GRM4: variants seen among roughly 807,000 people sequenced by gnomAD.
The protein encoded by GRM4 is metabotropic glutamate receptor 4.
Under a neutral mutation model 81.7 loss-of-function variants are expected in GRM4, and 28 were observed. That is an observed-to-expected ratio of 0.34 (90% CI 0.25 to 0.47). GRM4 has a LOEUF of 0.47. GRM4 is among the 20% of genes least tolerant of loss of function. The pLI, the probability that GRM4 is intolerant of heterozygous loss-of-function variation, is 1.00. For synonymous variants in GRM4, 488 were observed against 528.8 expected, an observed-to-expected ratio of 0.92 and a Z score of 1.06; for missense variants, 948 against 1,290.0, an observed-to-expected ratio of 0.73 and a Z score of 4.06.
At chr6:34,124,037 CAAGGG>C (rs1286014812) in intron 2 of GRM4, among the ~76,000 whole-genome samples, 2 of 152,220 alleles carry the variant, frequency 1.3e-5, no homozygotes, top group Non-Finnish European at 2.9e-5. Flanking sequence ...CGTGGCTTCA[CAAGGG>C]CTGCTCAGGG....
At chr6:34,076,920 G>C (rs184872403) in intron 3 of GRM4, among the ~76,000 whole-genome samples, 1 of 152,260 alleles carries the variant, frequency 6.6e-6, no homozygotes, top group Admixed American at 6.5e-5. Flanking sequence ...GGGAGGGAAA[G>C]GGGATTCCAG....
rs1197862589 is a variant in GRM4, at chr6:34,069,200, ACACACG to A, written c.737-7178_737-7173del. 2.7e-3 allele frequency among the ~76,000 whole-genome samples: 384 copies of A among 143,914 alleles called. 3 individuals are homozygous for A. The highest frequency in any genetic ancestry group is 6.9e-3 in the African/African-American group (246 of 35,572). The allele number at this position is 143,914 out of a possible 152,430, so 94.4% of individuals were successfully genotyped here. A position where few individuals can be genotyped will look rare whatever the true frequency, so the allele number is the denominator to read the frequency against. On this transcript the variant is annotated intron_variant, in intron 3 of 10. Coordinates refer to ENST00000538487, the MANE Select transcript of GRM4 (RefSeq NM_000841.4). This position sits in a 1 kb window ranked among gnomAD's most constrained non-coding sequence, Gnocchi z 6.4. ...CACACACACACACACACACACACAC[ACACACG>A]CACGCACACACGGCTCCTTCCTTCT...
rs78819468 is a variant in GRM4 at position 34,027,691 on chromosome 6, C to T, written c.2689+429G>A. Among the ~76,000 whole-genome samples, 199 of 152,308 alleles carry T rather than the reference C, an allele frequency of 1.3e-3. 1 individual carries two copies. The highest frequency in any genetic ancestry group is 4.3e-3 in the African/African-American group (179 of 41,572). On this transcript the variant is annotated intron_variant, in intron 10 of 10. Coordinates refer to ENST00000538487, the MANE Select transcript of GRM4 (RefSeq NM_000841.4). The stretch of plus-strand genomic sequence containing the variant: ...GGGCCAGTGTGCAGGGCCCCGGGGA[C>T]GATTCCTTCTCCCAGAGGGGCTGAA...
Position 34,080,871 on chromosome 6 carries a change from T to TACAC in GRM4, c.736+11008_736+11011dup, listed in dbSNP as rs3041182. The stretch of plus-strand genomic sequence containing the variant: ...ATACACACACACATACACATACATA[T>TACAC]ACACACACACACACACACAACCCTT... On this transcript the variant is annotated intron_variant, in intron 3 of 10. Transcript: ENST00000538487. This position sits in a 1 kb window ranked among gnomAD's most constrained non-coding sequence, Gnocchi z 5.4. Among the ~76,000 whole-genome samples, 9,360 of 123,112 alleles carry TACAC rather than the reference T, an allele frequency of 0.076. 333 individuals carry two copies. The highest frequency in any genetic ancestry group is 0.13 in the African/African-American group (3,560 of 26,936). 80.8% of individuals were successfully genotyped at this position (123,112 alleles called of 152,430 possible).
At chr6:34,043,528 T>G (rs536295034) in intron 6 of GRM4, among the ~76,000 whole-genome samples, 1 of 152,256 alleles carries the variant, frequency 6.6e-6, no homozygotes, top group South Asian at 2.1e-4. Context: ...GACTAAATTA[T>G]TAACCAGGGA....
intron 9 of GRM4, among the ~76,000 whole-genome samples, chr6:34,030,177 G>A (rs1459531749): frequency 6.6e-6 from 1 of 152,244 alleles, no homozygotes; most frequent in Non-Finnish European, 1.5e-5. Context: ...GGGGAATATC[G>A]TAGAGTCTCG....
intron 3 of GRM4, 166 bp from the exon 4 acceptor site, chr6:34,062,194 A>G: frequency 1.6e-6 from 1 of 625,808 alleles, no homozygotes; most frequent in Non-Finnish European, 2.6e-6. Flanking sequence ...TGCAGTCAGG[A>G]CAGCTTCAGT....
Position 34,035,683 on chromosome 6 carries a change from C to A in GRM4, c.2427G>T (p.Ser809=). ...CACCACTCACCTTGTCGGCCGACTG[C>A]GAGGTGCCAAAGAAGATGGGGATGA... is the stretch of plus-strand genomic sequence containing the variant. ...LAFIPIFFGT[S]QSADKLYIQT... Residue 809 remains serine, a synonymous_variant, in exon 9 of 11, where the codon TCG becomes TCT. Transcript: ENST00000538487. The surrounding 1 kb of genome is among the most constrained non-coding windows in gnomAD (Gnocchi z 6.6). 1 of 1,574,996 alleles carries A rather than the reference C, an allele frequency of 6.3e-7. No homozygotes were observed.
chr6:34,034,108 G>C lies in GRM4; in HGVS notation c.2442+1560C>G, dbSNP rs1240032545. Among the ~76,000 whole-genome samples, 1 of 152,182 alleles carries C rather than the reference G, an allele frequency of 6.6e-6. No individual in the cohort carries two copies. The highest frequency in any genetic ancestry group is 1.5e-5 in the Non-Finnish European group (1 of 68,030). Reference sequence around the variant, plus strand: ...CAGATATGTCTCCAGCCCAGAACTTGCCCCTGAACTCCAGACTCCTATATT... The same window carrying C: ...CAGATATGTCTCCAGCCCAGAACTTCCCCCTGAACTCCAGACTCCTATATT... On this transcript the variant is annotated intron_variant, in intron 9 of 10. Coordinates refer to ENST00000538487, the MANE Select transcript of GRM4 (RefSeq NM_000841.4). This position sits in a 1 kb window ranked among gnomAD's most constrained non-coding sequence, Gnocchi z 4.0.
intron 6 of GRM4, among the ~76,000 whole-genome samples, chr6:34,044,727 C>CAT (rs149504429): frequency 3.6e-5 from 5 of 140,322 alleles, no homozygotes; most frequent in South Asian, 2.3e-4. Flanking sequence ...CATACACACA[C>CAT]AGACATACAT....
Position 34,028,242 on chromosome 6 carries a change from C to T in GRM4, c.2567G>A (p.Arg856His), listed in dbSNP as rs376358373. ...LFHPEQNVPKRKRSLKAVVTA... is the reference protein window; with the variant it reads ...LFHPEQNVPKHKRSLKAVVTA... ...AACGACGGCTTTGAGGCTGCGCTTGCGCTTGGGCACGTTCTGCTCCGGGTG... is the reference window on the plus strand; with the variant it reads ...AACGACGGCTTTGAGGCTGCGCTTGTGCTTGGGCACGTTCTGCTCCGGGTG... Residue 856 changes from arginine (R) to histidine (H), a missense_variant, in exon 10 of 11, where the codon CGC becomes CAC. Physicochemically the swap from Arg to His is conservative, Grantham distance 29. Transcript: ENST00000538487. 23 of 1,613,968 alleles carry T rather than the reference C, an allele frequency of 1.4e-5. No individual in the cohort carries two copies. The highest frequency in any genetic ancestry group is 9.3e-5 in the African/African-American group (7 of 74,944).
In GRM4 at chr6:34,035,584, G is replaced by C. The variant is rs556458799; in HGVS notation, c.2442+84C>G. On this transcript the variant is annotated intron_variant, in intron 9 of 10. Transcript: ENST00000538487. This position sits in a 1 kb window ranked among gnomAD's most constrained non-coding sequence, Gnocchi z 6.6. ...TGAAAGAAGGCATTTCTGGAGCAGGGGGGAGGCCAGCCAGCCTCAGGAGGC... is the reference window on the plus strand; with the variant it reads ...TGAAAGAAGGCATTTCTGGAGCAGGCGGGAGGCCAGCCAGCCTCAGGAGGC... 276 of 702,286 alleles carry C rather than the reference G, an allele frequency of 3.9e-4. 3 individuals are homozygous for C. The African/African-American group carries it at 7.5e-3, about 19-fold the overall frequency. 43.5% of individuals were successfully genotyped at this position (702,286 alleles called of 1,614,324 possible). A position where few individuals can be genotyped will look rare whatever the true frequency, so the allele number is the denominator to read the frequency against.
chr6:34,134,229 C>T (rs375466734), intron 1 of GRM4, among the ~76,000 whole-genome samples: 14 of 152,160 alleles, frequency 9.2e-5, no homozygotes, highest in African/African-American at 3.1e-4. Flanking sequence ...AATCCCATTA[C>T]AGAGATGAGG....
intron 2 of GRM4, among the ~76,000 whole-genome samples, chr6:34,124,467 C>G (rs1390907285): frequency 6.6e-6 from 1 of 152,248 alleles, no homozygotes; most frequent in Non-Finnish European, 1.5e-5. Context: ...GCTTTGTCTT[C>G]CCACTGCCTG....
rs751786785 is a variant in GRM4, at chr6:34,036,647, C to T, written c.1507-44G>A. On this transcript the variant is annotated intron_variant, in intron 8 of 10. Coordinates refer to ENST00000538487, the MANE Select transcript of GRM4 (RefSeq NM_000841.4). This position sits in a 1 kb window ranked among gnomAD's most constrained non-coding sequence, Gnocchi z 9.0. ...TAAAGCAGGCCTCAGAACATGCCAC[C>T]CGGTGCCCCGGACCATCCTACTGGG... 1.8e-6 allele frequency: 2 copies of T among 1,091,676 alleles called. No individual in the cohort carries two copies. Among genetic ancestry groups the T allele is most frequent in the South Asian group, 1.4e-5 (1 of 69,086 alleles). 67.6% of individuals were successfully genotyped at this position (1,091,676 alleles called of 1,614,324 possible).
rs71567417 is a variant in GRM4, at chr6:34,078,525, G to C, written c.736+13358C>G. ...CCCACCTCCACCTTTCTATCTCACC[G>C]TCCTCTCTGCTTCCTGCCTTCTGGG... On this transcript the variant is annotated intron_variant, in intron 3 of 10. Coordinates refer to ENST00000538487, the MANE Select transcript of GRM4 (RefSeq NM_000841.4). This position sits in a 1 kb window ranked among gnomAD's most constrained non-coding sequence, Gnocchi z 4.8. 0.11 allele frequency among the ~76,000 whole-genome samples: 17,258 copies of C among 151,950 alleles called. 1,547 individuals carry two copies. Among genetic ancestry groups the C allele is most frequent in the African/African-American group, 0.25 (10,149 of 41,384 alleles).
At chr6:34,027,717 A>G (rs563359335) in intron 10 of GRM4, among the ~76,000 whole-genome samples, 1 of 152,270 alleles carries the variant, frequency 6.6e-6, no homozygotes, top group Non-Finnish European at 1.5e-5. Flanking sequence ...AGGGGCTGAA[A>G]GGGCACAGGC....
At chr6:34,113,254 C>T (rs1260779979) in intron 2 of GRM4, among the ~76,000 whole-genome samples, 6 of 152,028 alleles carry the variant, frequency 3.9e-5, no homozygotes, top group East Asian at 1.9e-4. Flanking sequence ...TGAGTTCAAG[C>T]GATGCTCCCA....
At position 34,034,851 on chromosome 6, in the gene GRM4, A is replaced by G. The variant is rs1764609128; in HGVS notation, c.2442+817T>C. 6.6e-6 allele frequency among the ~76,000 whole-genome samples: 1 copy of G among 152,194 alleles called. No individual in the cohort carries two copies. The highest frequency in any genetic ancestry group is 2.1e-4 in the South Asian group (1 of 4,830). On this transcript the variant is annotated intron_variant, in intron 9 of 10. Transcript: ENST00000538487. This position sits in a 1 kb window ranked among gnomAD's most constrained non-coding sequence, Gnocchi z 4.0. ...TGATGCCCTGCCTTCAGTGACTCCCAGTACTTCCAGATAACACCCCCGAGT... is the reference window on the plus strand; with the variant it reads ...TGATGCCCTGCCTTCAGTGACTCCCGGTACTTCCAGATAACACCCCCGAGT...
Sources: gnomAD v4.1 joint callset for allele counts (sites outside exome capture counted in the v4.1 genomes callset) on GRCh38, gnomAD v4.1.1 for gene constraint, Gnocchi (gnomAD v3.1) non-coding constraint, MANE v1.5 for transcripts, NCBI Gene and HGNC (gene_info 2026-07-23, HGNC 2026-07-21) for gene names.